Variants in TAT observed in about 807,000 individuals in gnomAD.
TAT encodes the protein tyrosine aminotransferase, also known as L-tyrosine:2-oxoglutarate aminotransferase.
In TAT, 35 loss-of-function variants were observed where a neutral mutation model predicts 53.6. The ratio of observed to expected loss-of-function variants is 0.65; its 90% CI spans 0.50 to 0.87. The LOEUF (loss-of-function observed/expected upper bound fraction) is 0.87, where lower values mean the gene tolerates loss of function less well. Among genes scored for constraint, TAT ranks in the 40% least tolerant of loss-of-function variants. The pLI, the probability that TAT is intolerant of heterozygous loss-of-function variation, is 0.00. For synonymous variants in TAT, 197 were observed against 206.5 expected (o/e 0.95, Z 0.39); for missense variants, 525 against 571.8 (o/e 0.92, Z 0.83).
In TAT at chr16:71,568,297, G is replaced by C; in HGVS notation, c.1225-13C>G. 1 of 1,614,024 alleles carries C rather than the reference G, an allele frequency of 6.2e-7. No individual in the cohort carries two copies. ...GGTACTCAAAGCACTGCAAAAAGAA[G>C]AGTCTGTTACTTTCAGAGCAATTGA... On this transcript the variant is annotated splice_polypyrimidine_tract_variant and intron_variant, in intron 11 of 11. Coordinates refer to ENST00000355962, the MANE Select transcript of TAT (RefSeq NM_000353.3).
chr16:71,575,546 T>C, intron 3 of TAT: 1 of 331,160 alleles, frequency 3.0e-6, no homozygotes, highest in Non-Finnish European at 5.8e-6. Flanking sequence ...GCAAAGGAGC[T>C]ATATACACAG....
rs368660443 is a variant in TAT, at chr16:71,576,394, T to C, written c.22A>G (p.Met8Val). 219 of 1,614,044 alleles carry C rather than the reference T, an allele frequency of 1.4e-4. No homozygotes were observed. Among genetic ancestry groups the C allele is most frequent in the Non-Finnish European group, 1.8e-4 (215 of 1,180,034 alleles). MDPYMIQ[M>V]SSKGNLPSIL... ...GAGGGGAGGTTGCCTTTGCTGCTCA[T>C]CTGAATCATGTATGGGTCCATCACT... The change falls in exon 2 of 12, where the codon ATG (methionine) becomes GTG (valine). Residue 8 changes from methionine (M) to valine (V), a missense_variant. Coordinates refer to ENST00000355962, the MANE Select transcript of TAT (RefSeq NM_000353.3).
rs34263853 is a variant in TAT at position 71,566,469 on chromosome 16, G to GAAAAAAAAAAAAAAAAA, written c.*1658_*1674dup. The stretch of plus-strand genomic sequence containing the variant: ...GGCAACTGTGCCTATGAAGATTTGC[G>GAAAAAAAAAAAAAAAAA]AAAAAAAAAAAAAAAAAAAAACATC... On this transcript the variant is annotated 3_prime_UTR_variant, in exon 12 of 12. Coordinates refer to ENST00000355962, the MANE Select transcript of TAT (RefSeq NM_000353.3). 1.1e-5 allele frequency: 1 copy of GAAAAAAAAAAAAAAAAA among 89,978 alleles called. No homozygotes were observed. The highest frequency in any genetic ancestry group is 2.1e-5 in the Non-Finnish European group (1 of 47,782). The allele number at this position is 89,978 out of a possible 1,614,324, so 5.6% of individuals were successfully genotyped here.
Position 71,568,137 on chromosome 16 carries a change from T to G in TAT, c.*7A>C. ...TGGGACACATCCTCAGGAGAATGGA[T>G]GCAGGCCTATTTATCACACTCCTCC... is the stretch of plus-strand genomic sequence containing the variant. On this transcript the variant is annotated 3_prime_UTR_variant, in exon 12 of 12. Transcript: ENST00000355962. 1 of 1,614,190 alleles carries G rather than the reference T, an allele frequency of 6.2e-7. No homozygotes were observed. The highest frequency in any genetic ancestry group is 8.5e-7 in the Non-Finnish European group (1 of 1,180,030).
chr16:71,574,415 T>C (rs1039190629), intron 3 of TAT, among the ~76,000 whole-genome samples: 1 of 152,064 alleles, frequency 6.6e-6, no homozygotes, highest in East Asian at 1.9e-4. Flanking sequence ...ATCTCATCTC[T>C]ACTAAAAATA....
At chr16:71,576,649 T>C (rs541405556) in intron 1 of TAT, among the ~76,000 whole-genome samples, 9 of 152,290 alleles carry the variant, frequency 5.9e-5, no homozygotes, top group Admixed American at 5.9e-4. Context: ...CCATTCTACT[T>C]AAGTAGGATT....
chr16:71,566,668 G>A lies in TAT; in HGVS notation c.*1476C>T, dbSNP rs1332793866. Reference sequence around the variant, plus strand: ...TAACTTACTGCCTCTTGGTAAGTAGGAAGCCAGAAGTTGAGCTCCCAAATA... The same window carrying A: ...TAACTTACTGCCTCTTGGTAAGTAGAAAGCCAGAAGTTGAGCTCCCAAATA... On this transcript the variant is annotated 3_prime_UTR_variant, in exon 12 of 12. Coordinates refer to ENST00000355962, the MANE Select transcript of TAT (RefSeq NM_000353.3). The A allele has an allele frequency of 6.6e-6, 1 of 151,964 alleles. No homozygotes were observed. The highest frequency in any genetic ancestry group is 1.5e-5 in the Non-Finnish European group (1 of 68,010). 9.4% of individuals were successfully genotyped at this position (151,964 alleles called of 1,614,324 possible).
At chr16:71,568,349 G>C in intron 11 of TAT, 65 bp from the exon 12 acceptor site, 2 of 1,548,128 alleles carry the variant, frequency 1.3e-6, no homozygotes, top group Non-Finnish European at 1.8e-6. Context: ...CCCTAAAATG[G>C]TCAGGACCCT....
chr16:71,571,572 A>AT (rs2044203030), intron 7 of TAT, 34 bp downstream of exon 7: 6 of 1,585,680 alleles, frequency 3.8e-6, no homozygotes, highest in African/African-American at 2.7e-5. Flanking sequence ...ATAATTTGAG[A>AT]TTACTGTAGT....
chr16:71,573,597 G>C lies in TAT; in HGVS notation c.350C>G (p.Ser117Cys). ...NGYAPSIGFLSSREEIASYYH... is the reference protein window; with the variant it reads ...NGYAPSIGFLCSREEIASYYH... Reference sequence around the variant, plus strand: ...ATAAGAAGCAATCTCCTCCCGACTGGATAGGAAGCCTGAAAGAAAAGAGTG... The same window carrying C: ...ATAAGAAGCAATCTCCTCCCGACTGCATAGGAAGCCTGAAAGAAAAGAGTG... The change falls in exon 4 of 12, where the codon TCC becomes TGC. Residue 117 changes from serine (S) to cysteine (C), a missense_variant. Physicochemically the swap from Ser to Cys is moderately radical, Grantham distance 112. Coordinates refer to ENST00000355962, the MANE Select transcript of TAT (RefSeq NM_000353.3). 6.4e-7 allele frequency: 1 copy of C among 1,553,762 alleles called. No individual in the cohort carries two copies. Among genetic ancestry groups the C allele is most frequent in the Non-Finnish European group, 8.7e-7 (1 of 1,147,976 alleles).
At chr16:71,570,980 C>T in intron 7 of TAT, 149 bp from the exon 8 acceptor site, 1 of 1,031,688 alleles carries the variant, frequency 9.7e-7, no homozygotes, top group African/African-American at 1.6e-5. Flanking sequence ...ACTGGGATTG[C>T]AAGAGGCTTT....
rs2044197900 is a variant in TAT at position 71,570,776 on chromosome 16, AT to A, written c.814del (p.Ile272SerfsTer39). The A allele has an allele frequency of 1.2e-6, 2 of 1,614,172 alleles. No individual in the cohort carries two copies. Among genetic ancestry groups the A allele is most frequent in the Non-Finnish European group, 1.7e-6 (2 of 1,180,030 alleles). Reference protein sequence around the residue: ...PLATLSTDVPILSCGGLAKRW... With the variant: ...PLATLSTDVPXLSCGGLAKRW... ...CTTGGCCAGCCCTCCACAGGACAGG[AT>A]GGGGACATCGGTGCTGAGGGTGGCC... On this transcript the variant is annotated frameshift_variant, in exon 8 of 12. Transcript: ENST00000355962. LOFTEE classifies it high-confidence loss of function.
chr16:71,574,607 G>A (rs1467541423), intron 3 of TAT, among the ~76,000 whole-genome samples: 42 of 112,268 alleles, frequency 3.7e-4, no homozygotes, highest in African/African-American at 4.5e-4. Flanking sequence ...AAAAAAAAAA[G>A]AAGTTGTAAT....
In TAT at chr16:71,572,250, G is replaced by A. The variant is rs745731263; in HGVS notation, c.642C>T (p.Val214=). The change falls in exon 6 of 12, where the codon GTC becomes GTT. Residue 214 remains valine (V), a synonymous_variant. Transcript: ENST00000355962. ...ACCCACAGGGGTTTGATGGATTATTGACAATGAGACAAGCTGTCTTTTCAT... is the reference window on the plus strand; with the variant it reads ...ACCCACAGGGGTTTGATGGATTATTAACAATGAGACAAGCTGTCTTTTCAT... ...LIDEKTACLI[V]NNPSNPCGSV... is the part of the protein sequence containing the mutation. The A allele has an allele frequency of 6.2e-7, 1 of 1,614,172 alleles. No individual in the cohort carries two copies. The highest frequency in any genetic ancestry group is 8.5e-7 in the Non-Finnish European group (1 of 1,180,008).
chr16:71,572,958 G>T (rs544336803), intron 4 of TAT, among the ~76,000 whole-genome samples: 1 of 152,154 alleles, frequency 6.6e-6, no homozygotes, highest in Non-Finnish European at 1.5e-5. Flanking sequence ...GACCTTTTTC[G>T]CTTGGTTATT....
Position 71,566,011 on chromosome 16 carries a change from T to C in TAT, c.*2133A>G, listed in dbSNP as rs1242451613. The C allele has an allele frequency of 6.6e-6, 1 of 152,230 alleles. No homozygotes were observed. Among genetic ancestry groups the C allele is most frequent in the Non-Finnish European group, 1.5e-5 (1 of 68,042 alleles). 9.4% of individuals were successfully genotyped at this position (152,230 alleles called of 1,614,324 possible). ...TCTGTACGTGTAAAACTAAAATGTC[T>C]TTTGTAAATCACTGAGTCTTCCTGT... On this transcript the variant is annotated 3_prime_UTR_variant, in exon 12 of 12. Transcript: ENST00000355962.
chr16:71,575,074 C>A (rs1302668271), intron 3 of TAT: 7 of 152,080 alleles, frequency 4.6e-5, no homozygotes, highest in Non-Finnish European at 1.0e-4. Context: ...TTTTTTATAA[C>A]AACTTTTGGT....
chr16:71,568,103 T>A lies in TAT; in HGVS notation c.*41A>T, dbSNP rs2044176576. 1 of 1,613,996 alleles carries A rather than the reference T, an allele frequency of 6.2e-7. No homozygotes were observed. Among genetic ancestry groups the A allele is most frequent in the East Asian group, 2.2e-5 (1 of 44,882 alleles). ...AGGAGCCGCAAGGCCTAGTCCAGCCTTCCCTAGATGGGACACATCCTCAGG... is the reference window on the plus strand; with the variant it reads ...AGGAGCCGCAAGGCCTAGTCCAGCCATCCCTAGATGGGACACATCCTCAGG... On this transcript the variant is annotated 3_prime_UTR_variant, in exon 12 of 12. Transcript: ENST00000355962.
In TAT at chr16:71,567,983, G is replaced by A. The variant is rs938634144; in HGVS notation, c.*161C>T. The stretch of plus-strand genomic sequence containing the variant: ...TGTGAATGAGGAGGATCTGAGTGTG[G>A]GTGTGGTTGTACTTGGGGAAAAGCA... On this transcript the variant is annotated 3_prime_UTR_variant, in exon 12 of 12. Coordinates refer to ENST00000355962, the MANE Select transcript of TAT (RefSeq NM_000353.3). The A allele has an allele frequency of 1.6e-5, 12 of 758,868 alleles. No individual in the cohort carries two copies. Among genetic ancestry groups the A allele is most frequent in the Non-Finnish European group, 2.5e-5 (11 of 443,830 alleles). The allele number at this position is 758,868 out of a possible 1,614,324, so 47.0% of individuals were successfully genotyped here.
Sources: allele counts gnomAD v4.1 joint callset (sites outside exome capture counted in the v4.1 genomes callset), GRCh38; gene constraint gnomAD v4.1.1; transcripts MANE v1.5; gene names NCBI Gene and HGNC (gene_info 2026-07-23, HGNC 2026-07-21).